The following PRKCB variants were observed in gnomAD, a reference collection of about 807,000 sequenced individuals.
PRKCB encodes the protein protein kinase C beta type.
In PRKCB, 13 loss-of-function variants were observed where a neutral mutation model predicts 81.5. That is an observed-to-expected ratio of 0.16 (90% CI 0.10 to 0.25). The LOEUF is 0.25. Among genes scored for constraint, PRKCB ranks in the 10% least tolerant of loss-of-function variants. The pLI, the probability that PRKCB is intolerant of heterozygous loss-of-function variation, is 1.00. For missense variants in PRKCB, 509 were observed against 875.7 expected (o/e 0.58, Z 5.29); for synonymous variants, 335 against 321.4 (o/e 1.04, Z -0.45).
Position 24,216,335 on chromosome 16 carries a change from C to A in PRKCB, c.*1519C>A. The A allele has an allele frequency of 2.0e-6, 2 of 985,416 alleles. No homozygotes were observed. Among genetic ancestry groups the A allele is most frequent in the Non-Finnish European group, 2.4e-6 (2 of 829,916 alleles). 61.0% of individuals were successfully genotyped at this position (985,416 alleles called of 1,614,324 possible). A position where few individuals can be genotyped will look rare whatever the true frequency, so the allele number is the denominator to read the frequency against. On this transcript the variant is annotated 3_prime_UTR_variant, in exon 17 of 17. Transcript: ENST00000643927. ...TCCCAGCTTGGACTAAATATTCTTT[C>A]TAGCAAGCAGCTTTGTGAGCTCCCT...
intron 3 of PRKCB, among the ~76,000 whole-genome samples, chr16:23,991,622 A>G (rs1035997056): frequency 2.0e-5 from 3 of 152,206 alleles, no homozygotes; most frequent in African/African-American, 7.2e-5. Flanking sequence ...TGAAATAGAA[A>G]AGGCCTAAGG....
At position 24,220,304 on chromosome 16, in the gene PRKCB, A is replaced by G; in HGVS notation, c.*5488A>G. 1 of 632,588 alleles carries G rather than the reference A, an allele frequency of 1.6e-6. No homozygotes were observed. The allele number at this position is 632,588 out of a possible 1,614,324, so 39.2% of individuals were successfully genotyped here. A position where few individuals can be genotyped will look rare whatever the true frequency, so the allele number is the denominator to read the frequency against. On this transcript the variant is annotated 3_prime_UTR_variant, in exon 17 of 17. Coordinates refer to ENST00000643927, the MANE Select transcript of PRKCB (RefSeq NM_002738.7). ...TACATTTGAAAATGTTTAGTTTAGA[A>G]TAAGCGCATTATCCAATTATAGAGG...
intron 2 of PRKCB, among the ~76,000 whole-genome samples, chr16:23,872,719 G>A (rs1188672797): frequency 6.6e-6 from 1 of 152,070 alleles, no homozygotes; most frequent in Non-Finnish European, 1.5e-5. Context: ...GGGTTGTCAG[G>A]AAAACTAAAT....
chr16:24,038,257 T>G (rs746891861), intron 5 of PRKCB, among the ~76,000 whole-genome samples: 7 of 152,058 alleles, frequency 4.6e-5, no homozygotes, highest in Non-Finnish European at 1.0e-4. Flanking sequence ...CCCAGCACTT[T>G]GGGAGGCTAA....
chr16:24,043,700 C>T (rs1965731363), intron 5 of PRKCB, among the ~76,000 whole-genome samples: 1 of 152,166 alleles, frequency 6.6e-6, no homozygotes, highest in Non-Finnish European at 1.5e-5. Flanking sequence ...ATTTAAGTCT[C>T]ATGAGAATTA....
chr16:23,892,326 G>A (rs1489662692), intron 2 of PRKCB, among the ~76,000 whole-genome samples: 1 of 152,094 alleles, frequency 6.6e-6, no homozygotes, highest in African/African-American at 2.4e-5. Context: ...GACTGACAAC[G>A]AGTGGTTAAA....
chr16:24,089,034 T>C (rs1238628373), intron 5 of PRKCB, among the ~76,000 whole-genome samples: 1 of 152,184 alleles, frequency 6.6e-6, no homozygotes, highest in African/African-American at 2.4e-5. Flanking sequence ...CACTATGTGA[T>C]AGATGTGTCA....
rs117644014 is a variant in PRKCB at position 24,084,686 on chromosome 16, C to T, written c.530-8105C>T. Among the ~76,000 whole-genome samples the T allele has an allele frequency of 6.7e-3, 1,025 of 151,958 alleles. 5 individuals carry two copies. Among genetic ancestry groups the T allele is most frequent in the South Asian group, 0.018 (86 of 4,798 alleles). On this transcript the variant is annotated intron_variant, in intron 5 of 16. Transcript: ENST00000643927. ...CAGAAATTGCTCAGCCCACATTTTC[C>T]GATAAAAATAAAACAGAACTAGAAA...
intron 2 of PRKCB, among the ~76,000 whole-genome samples, chr16:23,888,718 T>C (rs771813984): frequency 6.6e-6 from 1 of 152,166 alleles, no homozygotes; most frequent in Non-Finnish European, 1.5e-5. Context: ...CAGGGCTTGA[T>C]AATCTTTTTC....
At chr16:23,888,704 T>A (rs1963242518) in intron 2 of PRKCB, among the ~76,000 whole-genome samples, 1 of 152,214 alleles carries the variant, frequency 6.6e-6, no homozygotes, top group Non-Finnish European at 1.5e-5. Context: ...TTCCCTGGGT[T>A]GGCCAGGGCT....
chr16:24,045,041 G>T (rs1965747385), intron 5 of PRKCB, among the ~76,000 whole-genome samples: 1 of 152,120 alleles, frequency 6.6e-6, no homozygotes. Flanking sequence ...CGGTGAGGGG[G>T]ATTGTGTTGT....
chr16:24,118,235 T>C (rs1290072987), intron 8 of PRKCB, among the ~76,000 whole-genome samples: 2 of 152,188 alleles, frequency 1.3e-5, no homozygotes, highest in African/African-American at 4.8e-5. Flanking sequence ...ACCTGTAAAA[T>C]GGGGAATTAT....
intron 2 of PRKCB, among the ~76,000 whole-genome samples, chr16:23,947,047 G>A (rs1004261149): frequency 6.6e-6 from 1 of 152,066 alleles, no homozygotes; most frequent in African/African-American, 2.4e-5. Flanking sequence ...GTAGAGACGG[G>A]GTTTTACCAT....
intron 16 of PRKCB, among the ~76,000 whole-genome samples, chr16:24,209,324 TA>T (rs112692589): frequency 0.13 from 20,336 of 151,958 alleles, 2,374 homozygotes; most frequent in African/African-American, 0.31. Context: ...TCTACAGTCC[TA>T]AGCCACCATT....
At chr16:23,861,375 C>T (rs1962661314) in intron 2 of PRKCB, among the ~76,000 whole-genome samples, 2 of 152,110 alleles carry the variant, frequency 1.3e-5, no homozygotes, top group Admixed American at 6.6e-5. Context: ...CACTGTGTTT[C>T]CCAGGCTGGT....
rs1966925171 is a variant in PRKCB, at chr16:24,142,986, A to G, written c.1066-11698A>G. Among the ~76,000 whole-genome samples, 3 of 152,082 alleles carry G rather than the reference A, an allele frequency of 2.0e-5. No individual in the cohort carries two copies. The South Asian group carries it at 6.2e-4, about 32-fold the overall frequency. Reference sequence around the variant, plus strand: ...GGTCCCCCGGAGGCCTACAGTATATACACATGAGCTGTAACTTGCTTGTCT... The same window carrying G: ...GGTCCCCCGGAGGCCTACAGTATATGCACATGAGCTGTAACTTGCTTGTCT... On this transcript the variant is annotated intron_variant, in intron 9 of 16. Coordinates refer to ENST00000643927, the MANE Select transcript of PRKCB (RefSeq NM_002738.7).
chr16:23,875,260 A>T (rs1219646700), intron 2 of PRKCB, among the ~76,000 whole-genome samples: 1 of 151,744 alleles, frequency 6.6e-6, no homozygotes, highest in Non-Finnish European at 1.5e-5. Context: ...GCTGGTCTTG[A>T]ACTCCTGAGC....
chr16:24,194,967 G>C (rs1967857324), intron 16 of PRKCB, among the ~76,000 whole-genome samples: 1 of 152,118 alleles, frequency 6.6e-6, no homozygotes, highest in Admixed American at 6.5e-5. Flanking sequence ...ACTTTGGAAG[G>C]CTGAGGCAGG....
At position 23,948,569 on chromosome 16, in the gene PRKCB, A is replaced by T. The variant is rs189671393; in HGVS notation, c.206-39939A>T. Among the ~76,000 whole-genome samples, 3 of 149,922 alleles carry T rather than the reference A, an allele frequency of 2.0e-5. No homozygotes were observed. The East Asian group carries it at 5.9e-4, about 30-fold the overall frequency. Reference sequence around the variant, plus strand: ...CAGGCACACAGCACCATGCCTGGCTAATTTTTGTATTTTTAGTAGAGACTA... The same window carrying T: ...CAGGCACACAGCACCATGCCTGGCTTATTTTTGTATTTTTAGTAGAGACTA... On this transcript the variant is annotated intron_variant, in intron 2 of 16. Coordinates refer to ENST00000643927, the MANE Select transcript of PRKCB (RefSeq NM_002738.7).
Sources: gnomAD v4.1 joint callset for allele counts (sites outside exome capture counted in the v4.1 genomes callset) on GRCh38, gnomAD v4.1.1 for gene constraint, MANE v1.5 for transcripts, NCBI Gene and HGNC (gene_info 2026-07-23, HGNC 2026-07-21) for gene names.